The following PTPRD variants were observed in gnomAD, a reference collection of about 807,000 sequenced individuals.
The protein encoded by PTPRD is receptor-type tyrosine-protein phosphatase delta.
A neutral mutation model predicts 214.5 loss-of-function variants in PTPRD; 34 were observed. That is an observed-to-expected ratio of 0.16 (90% CI 0.12 to 0.21). The LOEUF is 0.21. PTPRD is among the 10% of genes least tolerant of loss of function. The probability of loss-of-function intolerance (pLI) is 1.00; values close to 1 mark genes in which losing one functional copy is unlikely to be tolerated. For synonymous variants in PTPRD, 1,128 were observed against 845.7 expected (o/e 1.33, Z -5.79); for missense variants, 2,545 against 2,398.7 (o/e 1.06, Z -1.27).
chr9:9,604,368 T>C (rs1472280938), intron 7 of PTPRD, among the ~76,000 whole-genome samples: 1 of 152,062 alleles, frequency 6.6e-6, no homozygotes, highest in African/African-American at 2.4e-5. Flanking sequence ...TATAAGCATA[T>C]TTTGTGAGGG....
intron 11 of PTPRD, among the ~76,000 whole-genome samples, chr9:8,951,153 G>GTGTGTGTGTGTGTC (rs2099099799): frequency 6.6e-6 from 1 of 151,646 alleles, no homozygotes; most frequent in Non-Finnish European, 1.5e-5. Flanking sequence ...GTGTGTGTGT[G>GTGTGTGTGTGTGTC]TGTGTAAGAG....
intron 11 of PTPRD, among the ~76,000 whole-genome samples, chr9:8,863,973 G>A (rs1203557635): frequency 6.6e-6 from 1 of 152,110 alleles, no homozygotes; most frequent in Admixed American, 6.5e-5. Flanking sequence ...TACAGAAAAA[G>A]ATTAAGAAGT....
rs756386510 is a variant in PTPRD at position 8,518,171 on chromosome 9, G to A, written c.1220C>T (p.Pro407Leu). The A allele has an allele frequency of 1.2e-6, 2 of 1,614,174 alleles. No homozygotes were observed. Among genetic ancestry groups the A allele is most frequent in the Admixed American group, 1.7e-5 (1 of 60,020 alleles). ...NNIGRGPPSE[P>L]VLTQTSEQAP... ...TTGCTCTGAGGTTTGTGTTAGCACA[G>A]GTTCGCTGGGAGGCCCCCGCCCAAT... The change falls in exon 21 of 46, where the codon CCT becomes CTT. Residue 407 changes from proline (P) to leucine (L), a missense_variant. Pro to Leu is a moderately conservative substitution (Grantham distance 98). Transcript: ENST00000381196.
intron 3 of PTPRD, among the ~76,000 whole-genome samples, chr9:10,200,022 G>C (rs1564480487): frequency 6.6e-6 from 1 of 151,650 alleles, no homozygotes; most frequent in Non-Finnish European, 1.5e-5. Context: ...AGCATACTAA[G>C]GTTTTTTACT....
intron 11 of PTPRD, among the ~76,000 whole-genome samples, chr9:8,919,654 T>C (rs940474321): frequency 1.3e-5 from 2 of 152,190 alleles, no homozygotes; most frequent in Admixed American, 6.5e-5. Context: ...ATCACATTTA[T>C]AGTGTTTTGG....
intron 2 of PTPRD, among the ~76,000 whole-genome samples, chr9:10,461,754 C>T (rs1461146760): frequency 5.3e-5 from 8 of 151,744 alleles, no homozygotes; most frequent in Non-Finnish European, 1.2e-4. Context: ...TCCTGAGTAA[C>T]TGGGATTACA....
chr9:9,670,700 C>T (rs542055370), intron 7 of PTPRD, among the ~76,000 whole-genome samples: 1 of 152,302 alleles, frequency 6.6e-6, no homozygotes, highest in Admixed American at 6.5e-5. Flanking sequence ...ACATAGAGCT[C>T]AGGCTGTGGC....
At chr9:9,811,348 T>C (rs1333657363) in intron 5 of PTPRD, among the ~76,000 whole-genome samples, 2 of 152,128 alleles carry the variant, frequency 1.3e-5, no homozygotes, top group Admixed American at 1.3e-4. Context: ...AGCCTGAAGA[T>C]GGGACAGCAT....
chr9:9,178,280 C>T (rs898261978), intron 10 of PTPRD, among the ~76,000 whole-genome samples: 3 of 151,842 alleles, frequency 2.0e-5, no homozygotes, highest in Admixed American at 6.6e-5. Flanking sequence ...TTCCTGCCTG[C>T]CTGCCTTTTT....
intron 14 of PTPRD, among the ~76,000 whole-genome samples, chr9:8,631,104 A>G (rs1172325822): frequency 6.6e-6 from 1 of 151,908 alleles, no homozygotes; most frequent in Non-Finnish European, 1.5e-5. Context: ...CACCTGAAAA[A>G]TGACAATTTT....
In PTPRD at chr9:8,468,811, A is replaced by C. The variant is rs1001187388; in HGVS notation, c.3504+2184T>G. Among the ~76,000 whole-genome samples, 272 of 151,626 alleles carry C rather than the reference A, an allele frequency of 1.8e-3. 1 individual carries two copies. Among genetic ancestry groups the C allele is most frequent in the African/African-American group, 6.5e-3 (270 of 41,434 alleles). The stretch of plus-strand genomic sequence containing the variant: ...TTATCCATGGTAGAAAAAAAAAAAA[A>C]AAAAAACTCTCTGTAGGGATCAAAA... On this transcript the variant is annotated intron_variant, in intron 31 of 45. Transcript: ENST00000381196.
At chr9:8,534,526 G>A (rs1480080232) in intron 14 of PTPRD, among the ~76,000 whole-genome samples, 2 of 151,588 alleles carry the variant, frequency 1.3e-5, no homozygotes, top group Non-Finnish European at 1.5e-5. Context: ...TTTCTTTGAC[G>A]GGTGGAAAGA....
intron 34 of PTPRD, among the ~76,000 whole-genome samples, chr9:8,442,286 T>C (rs190194155): frequency 2.0e-5 from 3 of 151,988 alleles, no homozygotes; most frequent in East Asian, 1.9e-4. Flanking sequence ...GGCTACTGAA[T>C]GCTTCAAATG....
intron 7 of PTPRD, among the ~76,000 whole-genome samples, chr9:9,590,147 ACTGTTT>A (rs2092567679): frequency 1.3e-5 from 2 of 152,046 alleles, no homozygotes; most frequent in Non-Finnish European, 2.9e-5. Context: ...CTGTATGGTG[ACTGTTT>A]CTATTTTTTA....
chr9:9,750,563 C>T (rs916614943), intron 6 of PTPRD, among the ~76,000 whole-genome samples: 1 of 152,096 alleles, frequency 6.6e-6, no homozygotes, highest in African/African-American at 2.4e-5. Context: ...AGGGTGAGCC[C>T]AACAGATTCA....
At chr9:10,082,084 C>A (rs1250476399) in intron 3 of PTPRD, among the ~76,000 whole-genome samples, 2 of 151,976 alleles carry the variant, frequency 1.3e-5, no homozygotes, top group East Asian at 3.9e-4. Context: ...TTGGAAGATG[C>A]AAATGTGTTG....
intron 10 of PTPRD, among the ~76,000 whole-genome samples, chr9:9,145,207 A>T (rs1302342593): frequency 6.6e-6 from 1 of 152,202 alleles, no homozygotes; most frequent in Non-Finnish European, 1.5e-5. Context: ...TAATTTATTT[A>T]ACATGCAACT....
chr9:9,425,844 G>A (rs1261205828), intron 8 of PTPRD, among the ~76,000 whole-genome samples: 1 of 152,010 alleles, frequency 6.6e-6, no homozygotes, highest in South Asian at 2.1e-4. Flanking sequence ...AAATAGTGTT[G>A]AGTTGATTTT....
At chr9:8,631,080 G>T (rs2096237878) in intron 14 of PTPRD, among the ~76,000 whole-genome samples, 1 of 151,750 alleles carries the variant, frequency 6.6e-6, no homozygotes, top group African/African-American at 2.4e-5. Flanking sequence ...GCCAGATTTG[G>T]CTTCAAATAT....
Sources: gnomAD v4.1 joint callset for allele counts (sites outside exome capture counted in the v4.1 genomes callset) on GRCh38, gnomAD v4.1.1 for gene constraint, MANE v1.5 for transcripts, NCBI Gene and HGNC (gene_info 2026-07-23, HGNC 2026-07-21) for gene names.